Variants in MACROD2 observed in about 807,000 individuals in gnomAD.
The protein encoded by MACROD2 is mono-ADP ribosylhydrolase 2.
MACROD2 carries 36 observed loss-of-function variants against 70.4 expected under a neutral mutation model. The ratio of observed to expected loss-of-function variants is 0.51; its 90% CI spans 0.39 to 0.68. The LOEUF (loss-of-function observed/expected upper bound fraction) is 0.68. Ranked by LOEUF, MACROD2 falls within the 30% of genes least tolerant of loss-of-function variation. MACROD2 has a pLI of 0.00. For missense variants in MACROD2, 496 were observed against 538.4 expected, an observed-to-expected ratio of 0.92 and a Z score of 0.78; for synonymous variants, 172 against 178.8, an observed-to-expected ratio of 0.96 and a Z score of 0.30.
intron 8 of MACROD2, among the ~76,000 whole-genome samples, chr20:15,636,089 A>AAAAAAAAAAAAAAAAAAAAAAAG (rs1459679844): frequency 2.2e-5 from 3 of 134,974 alleles, no homozygotes; most frequent in Non-Finnish European, 4.7e-5. Context: ...AAAAAAAAAA[A>AAAAAAAAAAAAAAAAAAAAAAAG]AAAGAAAGAA....
chr20:14,713,936 C>T (rs1182174765), intron 5 of MACROD2, among the ~76,000 whole-genome samples: 1 of 152,028 alleles, frequency 6.6e-6, no homozygotes, highest in East Asian at 1.9e-4. Flanking sequence ...AGGATTTAGA[C>T]AGGGAGAACA....
intron 5 of MACROD2, among the ~76,000 whole-genome samples, chr20:14,989,477 G>A (rs1172541743): frequency 2.6e-5 from 4 of 152,156 alleles, no homozygotes; most frequent in Non-Finnish European, 5.9e-5. Flanking sequence ...AAAGGGCAGT[G>A]CAGGCAGATT....
chr20:15,094,051 TAGTG>T (rs776363107), intron 5 of MACROD2, among the ~76,000 whole-genome samples: 8 of 152,300 alleles, frequency 5.3e-5, no homozygotes, highest in Middle Eastern at 6.8e-3. Context: ...ACCATTTAGT[TAGTG>T]AGTATCGTAT....
chr20:15,120,165 T>C (rs1365407273), intron 5 of MACROD2, among the ~76,000 whole-genome samples: 4 of 152,212 alleles, frequency 2.6e-5, no homozygotes, highest in African/African-American at 4.8e-5. Flanking sequence ...GGTAAAGATA[T>C]TAGCATGATT....
At chr20:15,579,158 G>A (rs150837210) in intron 8 of MACROD2, among the ~76,000 whole-genome samples, 7 of 152,210 alleles carry the variant, frequency 4.6e-5, no homozygotes, top group South Asian at 2.1e-4. Context: ...AATATTAGGG[G>A]TGCAACTGTG....
intron 1 of MACROD2, among the ~76,000 whole-genome samples, chr20:14,001,110 A>G (rs547466810): frequency 6.6e-6 from 1 of 152,318 alleles, no homozygotes; most frequent in African/African-American, 2.4e-5. Flanking sequence ...AATAAATAAC[A>G]TAGGGTGTAG....
rs576190987 is a variant in MACROD2, at chr20:15,339,851, C to CA, written c.541-91547dup. Among the ~76,000 whole-genome samples, 173 of 151,078 alleles carry CA rather than the reference C, an allele frequency of 1.1e-3. 8 individuals are homozygous for CA. The highest frequency in any genetic ancestry group is 4.1e-3 in the African/African-American group (167 of 40,902). ...TTGGCCTGATTTTATGATTCAAAAC[C>CA]AAAAAAAGAATATGTCCTGTAATAT... On this transcript the variant is annotated intron_variant, in intron 6 of 17. Coordinates refer to ENST00000684519, the MANE Select transcript of MACROD2 (RefSeq NM_001351661.2).
chr20:14,091,004 A>AT, intron 3 of MACROD2, among the ~76,000 whole-genome samples: 1 of 152,140 alleles, frequency 6.6e-6, no homozygotes, highest in Admixed American at 6.5e-5. Flanking sequence ...AGTGGTGCTG[A>AT]GCATTTTTTT....
At chr20:14,431,373 A>G (rs1187134872) in intron 3 of MACROD2, among the ~76,000 whole-genome samples, 1 of 152,144 alleles carries the variant, frequency 6.6e-6, no homozygotes, top group Non-Finnish European at 1.5e-5. Flanking sequence ...GATGGAGCTT[A>G]GAAGAAAGGT....
intron 3 of MACROD2, among the ~76,000 whole-genome samples, chr20:14,131,854 G>A (rs190958794): frequency 1.2e-4 from 18 of 152,086 alleles, no homozygotes; most frequent in East Asian, 1.2e-3. Flanking sequence ...ATTCTCGGCC[G>A]CGCGCGGTGG....
intron 8 of MACROD2, among the ~76,000 whole-genome samples, chr20:15,658,163 C>A (rs917532287): frequency 6.6e-6 from 1 of 151,012 alleles, no homozygotes; most frequent in Non-Finnish European, 1.5e-5. Flanking sequence ...TAAAATAATA[C>A]TTGAAAACGC....
intron 7 of MACROD2, among the ~76,000 whole-genome samples, chr20:15,476,923 A>C (rs2047029282): frequency 6.6e-6 from 1 of 152,174 alleles, no homozygotes; most frequent in Non-Finnish European, 1.5e-5. Context: ...TGTAAGAAAG[A>C]GGAAAAATCT....
intron 10 of MACROD2, among the ~76,000 whole-genome samples, chr20:15,910,446 T>C (rs1371346408): frequency 6.6e-6 from 1 of 151,770 alleles, no homozygotes; most frequent in Non-Finnish European, 1.5e-5. Flanking sequence ...ATCACCATTC[T>C]TTTTCTCTAA....
At chr20:15,932,174 G>T (rs1253598391) in intron 10 of MACROD2, among the ~76,000 whole-genome samples, 1 of 152,144 alleles carries the variant, frequency 6.6e-6, no homozygotes, top group Non-Finnish European at 1.5e-5. Context: ...TTGGCTCACA[G>T]GTCTGGCCCT....
intron 4 of MACROD2, among the ~76,000 whole-genome samples, chr20:14,587,299 A>G (rs915946201): frequency 1.3e-5 from 2 of 151,464 alleles, no homozygotes; most frequent in African/African-American, 2.4e-5. Flanking sequence ...TGGTTATACA[A>G]TTTTTTCAGT....
intron 5 of MACROD2, among the ~76,000 whole-genome samples, chr20:14,715,983 A>G (rs1351900815): frequency 6.6e-6 from 1 of 152,152 alleles, no homozygotes; most frequent in Non-Finnish European, 1.5e-5. Context: ...AATCTGTTAC[A>G]TCTGATTTCC....
At chr20:15,726,226 C>T (rs189532705) in intron 8 of MACROD2, among the ~76,000 whole-genome samples, 56 of 152,234 alleles carry the variant, frequency 3.7e-4, no homozygotes, top group South Asian at 1.2e-3. Flanking sequence ...ATAATTGCCC[C>T]CAGCTTGATC....
chr20:14,134,718 T>G (rs991431739), intron 3 of MACROD2, among the ~76,000 whole-genome samples: 1 of 145,386 alleles, frequency 6.9e-6, no homozygotes, highest in Non-Finnish European at 1.5e-5. Context: ...GGCAGGAGAA[T>G]CGCTTGAACC....
At chr20:16,029,078 T>G (rs2067118748) in intron 15 of MACROD2, among the ~76,000 whole-genome samples, 1 of 152,222 alleles carries the variant, frequency 6.6e-6, no homozygotes, top group African/African-American at 2.4e-5. Flanking sequence ...GACAGCCGTC[T>G]TCTCACCGTG....
Sources: allele counts gnomAD v4.1 joint callset (sites outside exome capture counted in the v4.1 genomes callset), GRCh38; gene constraint gnomAD v4.1.1; transcripts MANE v1.5; gene names NCBI Gene and HGNC (gene_info 2026-07-23, HGNC 2026-07-21).